The following KCNQ3 variants were observed in gnomAD, a reference collection of about 807,000 sequenced individuals.
KCNQ3 encodes the protein potassium voltage-gated channel subfamily KQT member 3.
In KCNQ3, 30 loss-of-function variants were observed where a neutral mutation model predicts 92.5. The ratio of observed to expected loss-of-function variants is 0.32; its 90% CI spans 0.24 to 0.44. The LOEUF is 0.44. Among genes scored for constraint, KCNQ3 ranks in the 20% least tolerant of loss-of-function variants. The pLI is 1.00. For synonymous variants in KCNQ3, 450 were observed against 468.8 expected, an observed-to-expected ratio of 0.96 and a Z score of 0.52; for missense variants, 913 against 1,140.3, an observed-to-expected ratio of 0.80 and a Z score of 2.87.
At chr8:132,422,754 C>T (rs1821008527) in intron 1 of KCNQ3, among the ~76,000 whole-genome samples, 1 of 152,178 alleles carries the variant, frequency 6.6e-6, no homozygotes, top group Non-Finnish European at 1.5e-5. Flanking sequence ...TGTCCATTTA[C>T]TTGTCTGTCT....
chr8:132,302,479 C>T (rs1472501381), intron 1 of KCNQ3, among the ~76,000 whole-genome samples: 1 of 152,218 alleles, frequency 6.6e-6, no homozygotes, highest in Non-Finnish European at 1.5e-5. Context: ...TTGGCATTTG[C>T]AGTTTGAGCC....
chr8:132,303,947 C>T (rs1817339154), intron 1 of KCNQ3, among the ~76,000 whole-genome samples: 1 of 151,522 alleles, frequency 6.6e-6, no homozygotes, highest in Admixed American at 6.6e-5. Context: ...CATAAACACA[C>T]ACACCATAAA....
chr8:132,423,475 C>A (rs182671244), intron 1 of KCNQ3, among the ~76,000 whole-genome samples: 23 of 152,300 alleles, frequency 1.5e-4, no homozygotes, highest in African/African-American at 5.5e-4. Context: ...TAGACTCAAG[C>A]CAGACTCCTG....
At chr8:132,247,782 G>A (rs2005160) in intron 1 of KCNQ3, among the ~76,000 whole-genome samples, 2 of 148,660 alleles carry the variant, frequency 1.3e-5, no homozygotes, top group African/African-American at 2.5e-5. Context: ...TGGGCAACAA[G>A]AACAAAACTC....
At chr8:132,277,389 C>A (rs1816368151) in intron 1 of KCNQ3, among the ~76,000 whole-genome samples, 1 of 152,112 alleles carries the variant, frequency 6.6e-6, no homozygotes, top group South Asian at 2.1e-4. Flanking sequence ...TTTGCTCAGC[C>A]CTGGAATAGG....
At chr8:132,163,287 T>G (rs1826046117) in intron 9 of KCNQ3, among the ~76,000 whole-genome samples, 181 bp downstream of exon 9, 1 of 152,030 alleles carries the variant, frequency 6.6e-6, no homozygotes, top group Non-Finnish European at 1.5e-5. Context: ...TCCTATTAAG[T>G]TTCCCTCAGA....
At chr8:132,438,069 A>G (rs1049853050) in intron 1 of KCNQ3, among the ~76,000 whole-genome samples, 1 of 152,224 alleles carries the variant, frequency 6.6e-6, no homozygotes, top group Non-Finnish European at 1.5e-5. Flanking sequence ...CACAAAATAA[A>G]ACAACTGAGA....
chr8:132,251,076 G>T (rs1188694160), intron 1 of KCNQ3, among the ~76,000 whole-genome samples: 1 of 152,102 alleles, frequency 6.6e-6, no homozygotes, highest in Non-Finnish European at 1.5e-5. Context: ...ATACCAGCCT[G>T]GGCAACATGG....
Position 132,480,540 on chromosome 8 carries a change from G to A in KCNQ3, c.-8C>T, listed in dbSNP as rs983402065. 8.0e-7 allele frequency: 1 copy of A among 1,245,456 alleles called. No homozygotes were observed. Among genetic ancestry groups the A allele is most frequent in the Non-Finnish European group, 1.0e-6 (1 of 973,816 alleles). 77.2% of individuals were successfully genotyped at this position (1,245,456 alleles called of 1,614,324 possible). ...GCGCGCCTTGAGCCCCATCTGCCTC[G>A]CCCCCGCCGGCCGCTTCGCCTTCTC... On this transcript the variant is annotated 5_prime_UTR_variant, in exon 1 of 15. Coordinates refer to ENST00000388996, the MANE Select transcript of KCNQ3 (RefSeq NM_004519.4).
intron 1 of KCNQ3, among the ~76,000 whole-genome samples, chr8:132,326,227 C>T (rs1237131838): frequency 6.6e-6 from 1 of 152,128 alleles, no homozygotes; most frequent in Admixed American, 6.5e-5. Flanking sequence ...AAAACCACTT[C>T]ACAAAACTTT....
intron 1 of KCNQ3, among the ~76,000 whole-genome samples, chr8:132,466,521 G>T (rs1822175695): frequency 6.6e-6 from 1 of 152,144 alleles, no homozygotes; most frequent in Non-Finnish European, 1.5e-5. Flanking sequence ...ACCATTCCTG[G>T]CTGTTCTAGA....
At chr8:132,355,519 C>T (rs1203490190) in intron 1 of KCNQ3, among the ~76,000 whole-genome samples, 4 of 152,090 alleles carry the variant, frequency 2.6e-5, no homozygotes. Context: ...GGACCCTTTC[C>T]TGGAAATTGA....
rs766185814 is a variant in KCNQ3 at position 132,480,220 on chromosome 8, G to C, written c.313C>G (p.Arg105Gly). 1 of 1,613,332 alleles carries C rather than the reference G, an allele frequency of 6.2e-7. No homozygotes were observed. Among genetic ancestry groups the C allele is most frequent in the Non-Finnish European group, 8.5e-7 (1 of 1,179,530 alleles). ...RPVKRNNAKYRRIQTLIYDAL... is the reference protein window; with the variant it reads ...RPVKRNNAKYGRIQTLIYDAL... ...TCGTAGATCAAAGTTTGGATGCGCCGGTACTTGGCGTTGTTTCTCTTGACT... is the reference window on the plus strand; with the variant it reads ...TCGTAGATCAAAGTTTGGATGCGCCCGTACTTGGCGTTGTTTCTCTTGACT... Residue 105 changes from arginine to glycine, a missense_variant, in exon 1 of 15, where the codon CGG becomes GGG. Physicochemically the swap from Arg to Gly is moderately radical, Grantham distance 125 (BLOSUM62 -2). Around this residue, in one of 6 missense-constraint regions of KCNQ3, gnomAD observed 183 missense variants for 167.7 expected, o/e 1.09. Transcript: ENST00000388996.
intron 1 of KCNQ3, among the ~76,000 whole-genome samples, chr8:132,401,778 G>C (rs1820340588): frequency 6.6e-6 from 1 of 152,224 alleles, no homozygotes; most frequent in African/African-American, 2.4e-5. Context: ...CTCCTAGTCA[G>C]TGCTGATGCA....
rs369419617 is a variant in KCNQ3, at chr8:132,303,606, G to GTATA, written c.387-117429_387-117426dup. ...GTGTGTGTGTATATATATATGGTGT[G>GTATA]TATATATATATATATATATATATAT... On this transcript the variant is annotated intron_variant, in intron 1 of 14. Transcript: ENST00000388996. Among the ~76,000 whole-genome samples, 78 of 35,064 alleles carry GTATA rather than the reference G, an allele frequency of 2.2e-3. 14 individuals are homozygous for GTATA. The highest frequency in any genetic ancestry group is 0.021 in the Middle Eastern group (1 of 48). 23.0% of individuals were successfully genotyped at this position (35,064 alleles called of 152,430 possible). A position where few individuals can be genotyped will look rare whatever the true frequency, so the allele number is the denominator to read the frequency against.
chr8:132,423,824 C>T (rs1306265901), intron 1 of KCNQ3, among the ~76,000 whole-genome samples: 1 of 152,148 alleles, frequency 6.6e-6, no homozygotes, highest in African/African-American at 2.4e-5. Context: ...ATGGCCCCAC[C>T]ATACAGTATG....
At chr8:132,232,676 T>G (rs1814681613) in intron 1 of KCNQ3, among the ~76,000 whole-genome samples, 1 of 152,222 alleles carries the variant, frequency 6.6e-6, no homozygotes, top group African/African-American at 2.4e-5. Flanking sequence ...TTGAGATGTG[T>G]CCTGTGACAG....
chr8:132,133,075 C>T (rs892478965), intron 13 of KCNQ3, among the ~76,000 whole-genome samples: 1 of 152,068 alleles, frequency 6.6e-6, no homozygotes. Context: ...TTTTCTTTGG[C>T]CTGCACGGGG....
At chr8:132,205,150 G>A (rs1160218132) in intron 1 of KCNQ3, among the ~76,000 whole-genome samples, 1 of 152,192 alleles carries the variant, frequency 6.6e-6, no homozygotes, top group Non-Finnish European at 1.5e-5. Context: ...GTATCTGAGA[G>A]CTGGATGGGG....
Sources: gnomAD v4.1 joint callset for allele counts (sites outside exome capture counted in the v4.1 genomes callset) on GRCh38, gnomAD v4.1.1 for gene constraint, gnomAD v4.1.1 regional missense constraint, MANE v1.5 for transcripts, NCBI Gene and HGNC (gene_info 2026-07-23, HGNC 2026-07-21) for gene names.